LRBA: variants seen among roughly 807,000 people sequenced by gnomAD.
LRBA encodes the protein LPS responsive beige-like anchor protein, also known as lipopolysaccharide-responsive and beige-like anchor protein.
Under a neutral mutation model 330.0 loss-of-function variants are expected in LRBA, and 176 were observed. That is an observed-to-expected ratio of 0.53 (90% confidence interval 0.47 to 0.60). The LOEUF (loss-of-function observed/expected upper bound fraction) is 0.60, where lower values mean the gene tolerates loss of function less well. Ranked by LOEUF, LRBA falls within the 20% of genes least tolerant of loss-of-function variation. LRBA has a pLI of 0.00. For synonymous variants in LRBA, 1,230 were observed against 1,193.0 expected (o/e 1.03, Z -0.64); for missense variants, 3,259 against 3,444.8 (o/e 0.95, Z 1.35).
intron 53 of LRBA, among the ~76,000 whole-genome samples, chr4:150,301,568 C>T (rs191314100): frequency 1.3e-5 from 2 of 151,862 alleles, no homozygotes; most frequent in East Asian, 3.9e-4. Context: ...CTTCTTTTAA[C>T]ATTATACTAG....
At chr4:150,759,867 T>C (rs1300978672) in intron 35 of LRBA, among the ~76,000 whole-genome samples, 1 of 152,176 alleles carries the variant, frequency 6.6e-6, no homozygotes, top group Non-Finnish European at 1.5e-5. Flanking sequence ...AGCTGAAACC[T>C]GAACCCAGGG....
intron 41 of LRBA, among the ~76,000 whole-genome samples, chr4:150,489,345 A>AT (rs1758474798): frequency 2.0e-5 from 1 of 50,890 alleles, no homozygotes; most frequent in Non-Finnish European, 3.7e-5. Context: ...TAAGAATATA[A>AT]AATATATTAC....
At chr4:150,672,563 AT>A (rs1024076992) in intron 37 of LRBA, among the ~76,000 whole-genome samples, 10 of 151,734 alleles carry the variant, frequency 6.6e-5, no homozygotes, top group Non-Finnish European at 1.0e-4. Flanking sequence ...ATTATAATTT[AT>A]TTTTTTTAAT....
intron 2 of LRBA, among the ~76,000 whole-genome samples, chr4:151,007,504 CAA>C (rs1381377896): frequency 3.4e-5 from 2 of 58,246 alleles, no homozygotes; most frequent in Admixed American, 3.8e-4. Flanking sequence ...GACTCTGTCT[CAA>C]AAAAAAAAAA....
At chr4:151,000,475 C>T (rs946632232) in intron 2 of LRBA, among the ~76,000 whole-genome samples, 5 of 152,204 alleles carry the variant, frequency 3.3e-5, no homozygotes, top group South Asian at 2.1e-4. Context: ...ACTCTTGTCC[C>T]GAACATTATT....
At chr4:150,370,780 T>C (rs973758001) in intron 47 of LRBA, among the ~76,000 whole-genome samples, 5 of 152,194 alleles carry the variant, frequency 3.3e-5, no homozygotes, top group Admixed American at 3.3e-4. Flanking sequence ...AAGAGGTATA[T>C]ATGAGAACTC....
intron 37 of LRBA, among the ~76,000 whole-genome samples, chr4:150,662,378 G>A (rs1371216654): frequency 1.3e-5 from 2 of 152,176 alleles, no homozygotes; most frequent in Admixed American, 6.5e-5. Context: ...CTCTATTCTA[G>A]AGGGTTGTAG....
chr4:150,898,035 A>T (rs986571533), intron 14 of LRBA, among the ~76,000 whole-genome samples: 3 of 152,092 alleles, frequency 2.0e-5, no homozygotes, highest in African/African-American at 7.2e-5. Flanking sequence ...GGTTATGTTG[A>T]AACTACTATG....
intron 37 of LRBA, among the ~76,000 whole-genome samples, chr4:150,665,197 T>G (rs566379597): frequency 1.3e-5 from 2 of 152,164 alleles, no homozygotes; most frequent in Non-Finnish European, 2.9e-5. Context: ...GGAACCTTAT[T>G]TAGAGACTCA....
At chr4:150,612,405 A>G (rs1775367998) in intron 37 of LRBA, among the ~76,000 whole-genome samples, 1 of 152,206 alleles carries the variant, frequency 6.6e-6, no homozygotes, top group Non-Finnish European at 1.5e-5. Flanking sequence ...GGATAAATTA[A>G]AGCGTTAGCA....
intron 40 of LRBA, among the ~76,000 whole-genome samples, chr4:150,501,153 G>A (rs563610504): frequency 1.7e-4 from 26 of 152,214 alleles, no homozygotes; most frequent in South Asian, 1.0e-3. Flanking sequence ...ATTTCATTGC[G>A]TAACTCCATA....
chr4:150,935,543 C>T (rs1735005366), intron 2 of LRBA, among the ~76,000 whole-genome samples: 1 of 151,934 alleles, frequency 6.6e-6, no homozygotes, highest in South Asian at 2.1e-4. Context: ...TAACTTTTCA[C>T]AAATTAATCT....
At chr4:150,293,413 A>C (rs966014038) in intron 53 of LRBA, among the ~76,000 whole-genome samples, 1 of 152,210 alleles carries the variant, frequency 6.6e-6, no homozygotes, top group Non-Finnish European at 1.5e-5. Flanking sequence ...TGTCCTATAC[A>C]TTTCATCTTC....
intron 40 of LRBA, among the ~76,000 whole-genome samples, chr4:150,575,549 C>CA (rs1770430466): frequency 6.6e-6 from 1 of 151,776 alleles, no homozygotes; most frequent in Non-Finnish European, 1.5e-5. Flanking sequence ...AAAACCTACC[C>CA]ATACGATATG....
intron 37 of LRBA, among the ~76,000 whole-genome samples, chr4:150,662,317 C>T (rs1383990378): frequency 6.6e-6 from 1 of 152,240 alleles, no homozygotes; most frequent in East Asian, 1.9e-4. Context: ...ACAGGTATTT[C>T]GCAAAAATGT....
At chr4:150,769,305 T>C (rs2126519683) in intron 34 of LRBA, among the ~76,000 whole-genome samples, 1 of 151,496 alleles carries the variant, frequency 6.6e-6, no homozygotes, top group Admixed American at 6.6e-5. Flanking sequence ...ACAGAACGAA[T>C]GGGAAGAGAG....
intron 53 of LRBA, among the ~76,000 whole-genome samples, chr4:150,295,537 G>T (rs556443210): frequency 2.4e-4 from 36 of 152,190 alleles, no homozygotes; most frequent in Admixed American, 1.6e-3. Context: ...GGTAGTACAT[G>T]CTCATTATAA....
At chr4:150,833,582 A>G (rs1747535366) in intron 28 of LRBA, among the ~76,000 whole-genome samples, 1 of 152,156 alleles carries the variant, frequency 6.6e-6, no homozygotes, top group African/African-American at 2.4e-5. Context: ...GTACAACAGC[A>G]TTGTATCTAA....
At chr4:150,941,878 CAAAA>C (rs34618331) in intron 2 of LRBA, among the ~76,000 whole-genome samples, 1 of 110,416 alleles carries the variant, frequency 9.1e-6, no homozygotes. Context: ...GACTCTGTCT[CAAAA>C]AAAAAAAAAA....
Sources: gnomAD v4.1 joint callset for allele counts (sites outside exome capture counted in the v4.1 genomes callset) on GRCh38, gnomAD v4.1.1 for gene constraint, MANE v1.5 for transcripts, NCBI Gene and HGNC (gene_info 2026-07-23, HGNC 2026-07-21) for gene names.